The following MAP3K20 variants were observed in gnomAD, a reference collection of about 807,000 sequenced individuals.
The protein encoded by MAP3K20 is mitogen-activated protein kinase kinase kinase 20.
MAP3K20 carries 40 observed loss-of-function variants against 85.7 expected under a neutral mutation model. That is an observed-to-expected ratio of 0.47 (90% CI 0.36 to 0.61). MAP3K20 has a LOEUF of 0.61. Ranked by LOEUF, MAP3K20 falls within the 20% of genes least tolerant of loss-of-function variation. The pLI is 0.00. For missense variants in MAP3K20, 817 were observed against 961.7 expected, an observed-to-expected ratio of 0.85 and a Z score of 1.99; for synonymous variants, 325 against 327.7, an observed-to-expected ratio of 0.99 and a Z score of 0.09.
chr2:173,214,405 G>C (rs1401133882), intron 10 of MAP3K20: 2 of 152,198 alleles, frequency 1.3e-5, no homozygotes, highest in African/African-American at 4.8e-5. Context: ...ATGCAGTGTT[G>C]TGATGAGCGT....
rs763133997 is a variant in MAP3K20 at position 173,266,643 on chromosome 2, G to C, written c.2296G>C (p.Gly766Arg). 1.2e-6 allele frequency: 2 copies of C among 1,613,746 alleles called. No homozygotes were observed. The highest frequency in any genetic ancestry group is 2.2e-5 in the South Asian group (2 of 91,038). Reference sequence around the variant, plus strand: ...TGAAGAGGACAGCAAAGTCAGCGAAGGGGGCTGGACAAAAGTGGAATACCG... The same window carrying C: ...TGAAGAGGACAGCAAAGTCAGCGAACGGGGCTGGACAAAAGTGGAATACCG... ...ASEEDSKVSE[G>R]GWTKVEYRKK... The change falls in exon 20 of 20, where the codon GGG becomes CGG. Residue 766 changes from glycine (G) to arginine (R), a missense_variant. This residue lies in a region of MAP3K20 where 454 missense variants were observed against 476.9 expected (regional missense o/e 0.95). Transcript: ENST00000375213.
chr2:173,243,847 C>T (rs943425226), intron 16 of MAP3K20, among the ~76,000 whole-genome samples: 1 of 152,074 alleles, frequency 6.6e-6, no homozygotes, highest in African/African-American at 2.4e-5. Context: ...AGGATGGTCT[C>T]GATCTCCTGA....
intron 2 of MAP3K20, among the ~76,000 whole-genome samples, chr2:173,146,966 G>A (rs1689156693): frequency 1.3e-5 from 2 of 152,154 alleles, no homozygotes; most frequent in South Asian, 4.1e-4. Flanking sequence ...ATGACGGTCA[G>A]CATCTTTCCT....
At chr2:173,201,090 T>G (rs2106288710) in intron 8 of MAP3K20, among the ~76,000 whole-genome samples, 1 of 152,350 alleles carries the variant, frequency 6.6e-6, no homozygotes, top group Middle Eastern at 3.4e-3. Context: ...TTATTCATTT[T>G]CACCATTTAA....
chr2:173,178,203 A>T (rs925513328), intron 3 of MAP3K20, among the ~76,000 whole-genome samples: 1 of 152,258 alleles, frequency 6.6e-6, no homozygotes, highest in Non-Finnish European at 1.5e-5. Flanking sequence ...GAGCAGTGCT[A>T]TGGCTCCTGC....
At chr2:173,263,613 G>A (rs1163108325) in intron 18 of MAP3K20, 132 bp from the exon 19 acceptor site, 2 of 861,182 alleles carry the variant, frequency 2.3e-6, no homozygotes, top group Admixed American at 6.2e-5. Flanking sequence ...TTATGATAGT[G>A]TTCTAAGAGG....
chr2:173,139,509 A>G (rs1283368686), intron 2 of MAP3K20, among the ~76,000 whole-genome samples: 1 of 152,234 alleles, frequency 6.6e-6, no homozygotes, highest in Non-Finnish European at 1.5e-5. Flanking sequence ...ATGCTGTAAT[A>G]TGATTTTAAA....
chr2:173,258,569 GA>G, intron 16 of MAP3K20, 129 bp from the exon 17 acceptor site: 1 of 560,672 alleles, frequency 1.8e-6, no homozygotes, highest in South Asian at 2.3e-5. Context: ...TCCTTTTATT[GA>G]AAAAGGAAAA....
chr2:173,222,914 AC>A, intron 11 of MAP3K20: 1 of 985,230 alleles, frequency 1.0e-6, no homozygotes, highest in Non-Finnish European at 1.2e-6. Context: ...AGGCAAAAGA[AC>A]TAAGACTTTT....
intron 16 of MAP3K20, among the ~76,000 whole-genome samples, chr2:173,247,144 C>T (rs1322671365): frequency 6.6e-6 from 1 of 152,176 alleles, no homozygotes; most frequent in African/African-American, 2.4e-5. Context: ...GGAAGAAATT[C>T]AATCAATAGT....
chr2:173,084,100 A>C (rs1020227088), intron 1 of MAP3K20, among the ~76,000 whole-genome samples: 1 of 152,144 alleles, frequency 6.6e-6, no homozygotes, highest in African/African-American at 2.4e-5. Flanking sequence ...TTTTATTTTT[A>C]CTTTTAGAAA....
At chr2:173,182,648 A>G (rs13408221) in intron 3 of MAP3K20, among the ~76,000 whole-genome samples, 3,455 of 152,236 alleles carry the variant, frequency 0.023, 167 homozygotes, top group African/African-American at 0.079. Flanking sequence ...GAAGTTTACT[A>G]TTCATTGTAA....
intron 2 of MAP3K20, among the ~76,000 whole-genome samples, chr2:173,163,085 A>G (rs1385885421): frequency 2.0e-5 from 3 of 152,230 alleles, no homozygotes; most frequent in African/African-American, 7.2e-5. Flanking sequence ...TATCACAAAT[A>G]CATATAGAGT....
intron 1 of MAP3K20, among the ~76,000 whole-genome samples, chr2:173,087,324 A>T (rs995222772): frequency 6.6e-6 from 1 of 152,206 alleles, no homozygotes; most frequent in Non-Finnish European, 1.5e-5. Flanking sequence ...GTGCAGAGAA[A>T]AGTATTTGAA....
At chr2:173,128,690 G>C (rs1449024951) in intron 2 of MAP3K20, among the ~76,000 whole-genome samples, 1 of 152,030 alleles carries the variant, frequency 6.6e-6, no homozygotes, top group South Asian at 2.1e-4. Flanking sequence ...TCCTTTAGCT[G>C]TTTGGAGACT....
At chr2:173,243,872 C>G (rs189108985) in intron 16 of MAP3K20, among the ~76,000 whole-genome samples, 2,504 of 152,204 alleles carry the variant, frequency 0.016, 64 homozygotes, top group African/African-American at 0.056. Flanking sequence ...GTGATCCGCC[C>G]GCCTCGGCCT....
chr2:173,152,346 G>C (rs1426972136), intron 2 of MAP3K20, among the ~76,000 whole-genome samples: 3 of 152,246 alleles, frequency 2.0e-5, no homozygotes, highest in Admixed American at 1.3e-4. Flanking sequence ...TATTTTGTCT[G>C]GGACTTTTAG....
At chr2:173,187,534 C>A in intron 4 of MAP3K20, 24 bp from the exon 5 acceptor site, 2 of 1,579,408 alleles carry the variant, frequency 1.3e-6, no homozygotes, top group Non-Finnish European at 1.7e-6. Context: ...ATTAATAGGC[C>A]TTTATTTCTT....
chr2:173,082,526 G>T (rs1687039190), intron 1 of MAP3K20, among the ~76,000 whole-genome samples: 1 of 152,280 alleles, frequency 6.6e-6, no homozygotes, highest in South Asian at 2.1e-4. Context: ...GACAGAAAAC[G>T]ATTTGGGGTA....
Sources: allele counts gnomAD v4.1 joint callset (sites outside exome capture counted in the v4.1 genomes callset), GRCh38; gene constraint gnomAD v4.1.1; regional missense constraint gnomAD v4.1.1; transcripts MANE v1.5; gene names NCBI Gene and HGNC (gene_info 2026-07-23, HGNC 2026-07-21).